The following IMMP1L variants were observed in gnomAD, a reference collection of about 807,000 sequenced individuals.
IMMP1L encodes mitochondrial inner membrane protease subunit 1.
IMMP1L carries 24 observed loss-of-function variants against 21.8 expected under a neutral mutation model. The ratio of observed to expected loss-of-function variants is 1.10; its 90% CI spans 0.80 to 1.55. The LOEUF is 1.55. IMMP1L is among the 40% of genes most tolerant of loss of function. The probability of loss-of-function intolerance (pLI) is 0.00; values close to 1 mark genes in which losing one functional copy is unlikely to be tolerated. For missense variants in IMMP1L, 195 were observed against 200.7 expected (o/e 0.97, Z 0.17); for synonymous variants, 46 against 62.8 (o/e 0.73, Z 1.26).
intron 1 of IMMP1L, among the ~76,000 whole-genome samples, chr11:31,468,855 G>A (rs1954451608): frequency 6.6e-6 from 1 of 152,136 alleles, no homozygotes; most frequent in Non-Finnish European, 1.5e-5. Context: ...TAAAGATAAT[G>A]CTGCATTTAA....
At chr11:31,470,535 A>C (rs945627191) in intron 1 of IMMP1L, among the ~76,000 whole-genome samples, 2 of 152,204 alleles carry the variant, frequency 1.3e-5, no homozygotes, top group Non-Finnish European at 2.9e-5. Context: ...TTAAGACAAT[A>C]ACAAAAATAT....
chr11:31,455,028 T>C (rs1479094180), intron 4 of IMMP1L, among the ~76,000 whole-genome samples: 2 of 152,226 alleles, frequency 1.3e-5, no homozygotes, highest in Non-Finnish European at 2.9e-5. Flanking sequence ...CACACTATCA[T>C]CTTTAACACT....
At chr11:31,489,387 A>T (rs564294609) in intron 1 of IMMP1L, among the ~76,000 whole-genome samples, 1 of 152,310 alleles carries the variant, frequency 6.6e-6, no homozygotes, top group South Asian at 2.1e-4. Context: ...AATACATAAC[A>T]TTTACTTGAA....
chr11:31,482,129 A>G (rs534871925), intron 1 of IMMP1L, among the ~76,000 whole-genome samples: 7 of 152,190 alleles, frequency 4.6e-5, no homozygotes, highest in Non-Finnish European at 7.4e-5. Flanking sequence ...TAGAAAGTAC[A>G]TAATTACGGT....
intron 1 of IMMP1L, among the ~76,000 whole-genome samples, chr11:31,480,084 A>G (rs768933263): frequency 5.3e-5 from 8 of 152,072 alleles, no homozygotes; most frequent in Non-Finnish European, 1.2e-4. Flanking sequence ...GCAATTTCAT[A>G]AAAGACTAGT....
intron 4 of IMMP1L, among the ~76,000 whole-genome samples, chr11:31,441,614 GT>G (rs1443100499): frequency 1.3e-5 from 2 of 151,908 alleles, no homozygotes; most frequent in African/African-American, 4.8e-5. Flanking sequence ...TTTAAACACA[GT>G]TATTGTCTGT....
chr11:31,437,722 A>G (rs1452537522), intron 4 of IMMP1L, among the ~76,000 whole-genome samples: 1 of 152,212 alleles, frequency 6.6e-6, no homozygotes, highest in Admixed American at 6.5e-5. Context: ...TCCATGCCGA[A>G]AAGTTCCCTC....
chr11:31,504,139 A>C (rs936341902), intron 1 of IMMP1L, among the ~76,000 whole-genome samples: 2 of 152,228 alleles, frequency 1.3e-5, no homozygotes, highest in Non-Finnish European at 2.9e-5. Context: ...TTTAGGAAAA[A>C]AAACATGGAG....
intron 4 of IMMP1L, chr11:31,448,881 T>C: frequency 1.1e-6 from 1 of 946,116 alleles, no homozygotes; most frequent in Non-Finnish European, 1.3e-6. Context: ...TTCAGACTTG[T>C]AAACAATGAG....
chr11:31,446,602 T>A (rs1196228197), intron 4 of IMMP1L, among the ~76,000 whole-genome samples: 10 of 152,174 alleles, frequency 6.6e-5, no homozygotes. Flanking sequence ...TCCCTCCTAC[T>A]ACATGTGCCA....
chr11:31,437,387 A>C (rs944509026), intron 4 of IMMP1L, among the ~76,000 whole-genome samples: 1 of 152,138 alleles, frequency 6.6e-6, no homozygotes, highest in African/African-American at 2.4e-5. Context: ...TCATATGTGG[A>C]ATTTTCCACT....
In IMMP1L at chr11:31,442,036, A is replaced by T. The variant is rs535949102; in HGVS notation, c.322-8466T>A. Among the ~76,000 whole-genome samples, 56 of 152,328 alleles carry T rather than the reference A, an allele frequency of 3.7e-4. No individual in the cohort carries two copies. The South Asian group carries it at 0.011, about 30-fold the overall frequency. On this transcript the variant is annotated intron_variant, in intron 4 of 5. Transcript: ENST00000532287. ...ATATATGTTTTCATGAATGCCATAAACTGTTTTAATTTTGCCCAAACCTGA... is the reference window on the plus strand; with the variant it reads ...ATATATGTTTTCATGAATGCCATAATCTGTTTTAATTTTGCCCAAACCTGA...
intron 3 of IMMP1L, 77 bp downstream of exon 3, chr11:31,460,549 T>G: frequency 1.2e-6 from 1 of 820,558 alleles, no homozygotes; most frequent in Non-Finnish European, 2.0e-6. Flanking sequence ...AAAGATAAAG[T>G]TAAGGAACTG....
chr11:31,433,540 C>T lies in IMMP1L; in HGVS notation c.352G>A (p.Asp118Asn), dbSNP rs760019177. The T allele has an allele frequency of 6.2e-7, 1 of 1,611,768 alleles. No homozygotes were observed. The highest frequency in any genetic ancestry group is 1.1e-5 in the South Asian group (1 of 90,906). ...VPMGHVWLEGDNLQNSTDSRC... is the reference protein window; with the variant it reads ...VPMGHVWLEGNNLQNSTDSRC... ...GAATCTGTAGAATTCTGTAGATTGT[C>T]ACCTTCTAACCAAACATGACCCATT... The change falls in exon 5 of 6, where the codon GAC (aspartate) becomes AAC (asparagine). Residue 118 changes from aspartate to asparagine, a missense_variant. Transcript: ENST00000532287.
At chr11:31,481,367 C>T (rs1954886392) in intron 1 of IMMP1L, among the ~76,000 whole-genome samples, 1 of 151,960 alleles carries the variant, frequency 6.6e-6, no homozygotes, top group Non-Finnish European at 1.5e-5. Context: ...TAAAATAATA[C>T]TTAATTTGAT....
chr11:31,507,920 G>C (rs1955828415), intron 1 of IMMP1L, among the ~76,000 whole-genome samples: 1 of 151,986 alleles, frequency 6.6e-6, no homozygotes, highest in African/African-American at 2.4e-5. Flanking sequence ...ACACTTCATA[G>C]CATCATGAGG....
rs559256391 is a variant in IMMP1L, at chr11:31,473,296, G to A, written c.-29-9991C>T. On this transcript the variant is annotated intron_variant, in intron 1 of 5. Coordinates refer to ENST00000532287, the MANE Select transcript of IMMP1L (RefSeq NM_001304274.2). ...CATCTCCTGACCTTGTGATCCGCCC[G>A]CCTCAGCCTCCCAAAGTGCTGGGAT... Among the ~76,000 whole-genome samples, 13 of 152,162 alleles carry A rather than the reference G, an allele frequency of 8.5e-5. 1 individual carries two copies. Among genetic ancestry groups the A allele is most frequent in the African/African-American group, 2.9e-4 (12 of 41,528 alleles).
chr11:31,453,312 T>A (rs1487426961), intron 4 of IMMP1L, among the ~76,000 whole-genome samples: 1 of 152,242 alleles, frequency 6.6e-6, no homozygotes, highest in East Asian at 1.9e-4. Flanking sequence ...TAGGTTCCAA[T>A]GAACAATTTT....
chr11:31,472,082 CTT>C (rs1337234679), intron 1 of IMMP1L, among the ~76,000 whole-genome samples: 1 of 152,098 alleles, frequency 6.6e-6, no homozygotes, highest in Non-Finnish European at 1.5e-5. Flanking sequence ...CCTTTTTACT[CTT>C]TTAAGGACCC....
Sources: allele counts gnomAD v4.1 joint callset (sites outside exome capture counted in the v4.1 genomes callset), GRCh38; gene constraint gnomAD v4.1.1; transcripts MANE v1.5; gene names NCBI Gene and HGNC (gene_info 2026-07-23, HGNC 2026-07-21).